LINGO2: variants seen among roughly 807,000 people sequenced by gnomAD.
LINGO2 encodes the protein leucine rich repeat and Ig domain containing 2.
Under a neutral mutation model 30.6 loss-of-function variants are expected in LINGO2, and 14 were observed. The observed-to-expected ratio is 0.46, with a 90% CI of 0.30 to 0.72. The LOEUF is 0.72. Among genes scored for constraint, LINGO2 ranks in the 30% least tolerant of loss-of-function variants. LINGO2 has a pLI of 0.07. For missense variants in LINGO2, 729 were observed against 751.7 expected (o/e 0.97, Z 0.35); for synonymous variants, 317 against 288.5 (o/e 1.10, Z -1.00).
intron 4 of LINGO2, among the ~76,000 whole-genome samples, chr9:28,039,581 T>C (rs186505422): frequency 4.7e-4 from 72 of 152,244 alleles, no homozygotes; most frequent in South Asian, 6.2e-4. Context: ...ATTGAGTACA[T>C]GTAAGTCTTT....
At chr9:29,174,931 T>C in the LINGO2 span, among the ~76,000 whole-genome samples, 1 of 152,290 alleles carries the variant, frequency 6.6e-6, no homozygotes, top group East Asian at 1.9e-4. Context: ...TGAATCTTAG[T>C]TGTGTCAGAT....
chr9:28,098,642 G>C (rs1826319873), intron 4 of LINGO2, among the ~76,000 whole-genome samples: 1 of 152,078 alleles, frequency 6.6e-6, no homozygotes, highest in South Asian at 2.1e-4. Context: ...CTGGTCACTG[G>C]CCAAGGCACA....
At chr9:28,723,832 A>G in the LINGO2 span, among the ~76,000 whole-genome samples, 10 of 152,096 alleles carry the variant, frequency 6.6e-5, no homozygotes, top group Non-Finnish European at 2.9e-5. Flanking sequence ...GAATCCTCCT[A>G]AAAAAACTGA....
At chr9:28,189,281 G>GAGGA (rs1819668566) in intron 4 of LINGO2, among the ~76,000 whole-genome samples, 1 of 31,524 alleles carries the variant, frequency 3.2e-5, no homozygotes, top group Non-Finnish European at 5.8e-5. Context: ...GGAAGGGAGG[G>GAGGA]AGGGAGGGAG....
intron 3 of LINGO2, among the ~76,000 whole-genome samples, chr9:28,343,352 A>C (rs1241277215): frequency 6.6e-6 from 1 of 152,192 alleles, no homozygotes; most frequent in Non-Finnish European, 1.5e-5. Context: ...ATAAACAAAT[A>C]AACAAAAAAT....
At chr9:28,894,446 A>G in the LINGO2 span, among the ~76,000 whole-genome samples, 3 of 152,082 alleles carry the variant, frequency 2.0e-5, no homozygotes, top group Admixed American at 2.0e-4. Flanking sequence ...AAGCTTATAT[A>G]GTTAAATATG....
At chr9:28,013,060 G>A (rs10120567) in intron 4 of LINGO2, among the ~76,000 whole-genome samples, 1 of 152,020 alleles carries the variant, frequency 6.6e-6, no homozygotes, top group Non-Finnish European at 1.5e-5. Flanking sequence ...TGTTGAGAAC[G>A]AATGCTTTAC....
At chr9:28,873,636 AT>A in the LINGO2 span, among the ~76,000 whole-genome samples, 2 of 152,104 alleles carry the variant, frequency 1.3e-5, no homozygotes, top group African/African-American at 4.8e-5. Flanking sequence ...CTTTGTAACT[AT>A]AAAGCCCCCC....
intron 1 of LINGO2, among the ~76,000 whole-genome samples, chr9:28,668,302 G>A (rs1468959873): frequency 6.6e-6 from 1 of 152,030 alleles, no homozygotes; most frequent in Non-Finnish European, 1.5e-5. Context: ...GTGGGGTGAA[G>A]AGGATGAAAG....
chr9:29,176,078 G>C, the LINGO2 span, among the ~76,000 whole-genome samples: 172 of 152,226 alleles, frequency 1.1e-3, no homozygotes, highest in African/African-American at 4.0e-3. Context: ...GTGAGAGACA[G>C]ATATTTACTG....
chr9:28,938,629 C>T, the LINGO2 span, among the ~76,000 whole-genome samples: 1 of 152,168 alleles, frequency 6.6e-6, no homozygotes, highest in Non-Finnish European at 1.5e-5. Flanking sequence ...CTTACCATTA[C>T]ATTACAACTG....
chr9:28,846,925 G>C, the LINGO2 span, among the ~76,000 whole-genome samples: 1 of 139,398 alleles, frequency 7.2e-6, no homozygotes, highest in African/African-American at 2.7e-5. Flanking sequence ...AAGAGTGAAG[G>C]AAAAAAAAAA....
chr9:29,165,417 T>C, the LINGO2 span, among the ~76,000 whole-genome samples: 2 of 152,094 alleles, frequency 1.3e-5, no homozygotes, highest in East Asian at 3.9e-4. Context: ...TGGCTCTCTG[T>C]GGTAAGCTGG....
At chr9:28,189,329 GAGGAAGGAAGGAAGGGAGGAAGGA>G in intron 4 of LINGO2, among the ~76,000 whole-genome samples, 1 of 15,930 alleles carries the variant, frequency 6.3e-5, no homozygotes, top group Non-Finnish European at 1.2e-4. Context: ...GGAAGGGAGG[GAGGAAGGAAGGAAGGGAGGAAGGA>G]AGGGAGGGAG....
chr9:28,544,998 T>C (rs1292089880), intron 1 of LINGO2, among the ~76,000 whole-genome samples: 1 of 151,734 alleles, frequency 6.6e-6, no homozygotes, highest in East Asian at 1.9e-4. Flanking sequence ...ATGTTATATA[T>C]ATTCTTTATA....
chr9:28,028,716 A>T (rs1188112202), intron 4 of LINGO2, among the ~76,000 whole-genome samples: 2 of 152,152 alleles, frequency 1.3e-5, no homozygotes, highest in Non-Finnish European at 1.5e-5. Flanking sequence ...AATGCCATGC[A>T]AATTGTTATA....
chr9:28,919,576 A>T, the LINGO2 span, among the ~76,000 whole-genome samples: 1 of 152,132 alleles, frequency 6.6e-6, no homozygotes, highest in Non-Finnish European at 1.5e-5. Context: ...AATGACCACA[A>T]TCAGAAATCA....
chr9:27,989,627 A>G (rs1183628800), intron 5 of LINGO2, among the ~76,000 whole-genome samples: 2 of 152,006 alleles, frequency 1.3e-5, no homozygotes, highest in African/African-American at 4.8e-5. Flanking sequence ...TAGAAACTGC[A>G]TTATGATTAT....
chr9:28,419,158 C>T (rs929286286), intron 2 of LINGO2, among the ~76,000 whole-genome samples: 1 of 151,950 alleles, frequency 6.6e-6, no homozygotes, highest in Non-Finnish European at 1.5e-5. Flanking sequence ...TGTTGTTTTA[C>T]TGTCAGATTT....
Sources: gnomAD v4.1 joint callset for allele counts (sites outside exome capture counted in the v4.1 genomes callset) on GRCh38, gnomAD v4.1.1 for gene constraint, MANE v1.5 for transcripts, NCBI Gene and HGNC (gene_info 2026-07-23, HGNC 2026-07-21) for gene names.